LCN12: variants seen among roughly 807,000 people sequenced by gnomAD.
LCN12 encodes epididymal-specific lipocalin-12.
A neutral mutation model predicts 23.7 loss-of-function variants in LCN12; 15 were observed. That is an observed-to-expected ratio of 0.63 (90% CI 0.42 to 0.97). LCN12 has a LOEUF of 0.97. LCN12 is among the 50% of genes least tolerant of loss of function. LCN12 has a pLI of 0.00. For synonymous variants in LCN12, 116 were observed against 111.5 expected, an observed-to-expected ratio of 1.04 and a Z score of -0.25; for missense variants, 219 against 249.6, an observed-to-expected ratio of 0.88 and a Z score of 0.83.
intron 5 of LCN12, chr9:136,955,040 G>A: frequency 7.2e-7 from 1 of 1,395,308 alleles, no homozygotes; most frequent in Non-Finnish European, 9.3e-7. Flanking sequence ...AGGCACACGT[G>A]CTGGTCTGCA....
chr9:136,950,250 C>T (rs973029693), upstream of LCN12, among the ~76,000 whole-genome samples: 2 of 152,196 alleles, frequency 1.3e-5, no homozygotes, highest in African/African-American at 2.4e-5. Context: ...CGGGAGGCTC[C>T]TGCAGGGGAC....
At chr9:136,952,126 TG>T (rs957315740), upstream of LCN12, among the ~76,000 whole-genome samples, 1 of 104,680 alleles carries the variant, frequency 9.6e-6, no homozygotes, top group African/African-American at 3.3e-5. Flanking sequence ...AGACCGCAGG[TG>T]GGTGGGTGGG....
In LCN12 at chr9:136,955,136, G is replaced by A. The variant is rs181554418; in HGVS notation, c.551-235G>A. ...GGGGCCCATGGGGACAGGGACAGGT[G>A]AGGGGCTTCCTGAGGACCTGGGGCT... On this transcript the variant is annotated intron_variant, in intron 5 of 5. Coordinates refer to ENST00000371633, the MANE Select transcript of LCN12 (RefSeq NM_178536.4). 9.8e-5 allele frequency: 139 copies of A among 1,418,580 alleles called. No homozygotes were observed. The East Asian group carries it at 2.6e-3, about 27-fold the overall frequency. 87.9% of individuals were successfully genotyped at this position (1,418,580 alleles called of 1,614,324 possible).
At chr9:136,955,991 G>A (rs1163514227), downstream of LCN12, among the ~76,000 whole-genome samples, 2 of 152,142 alleles carry the variant, frequency 1.3e-5, no homozygotes, top group Non-Finnish European at 2.9e-5. Context: ...AAGCAGCCTC[G>A]GGCTGGAGCC....
Position 136,952,396 on chromosome 9 carries a change from C to T in LCN12, c.69C>T (p.Thr23=). The T allele has an allele frequency of 1.2e-6, 2 of 1,613,258 alleles. No individual in the cohort carries two copies. Among genetic ancestry groups the T allele is most frequent in the East Asian group, 2.2e-5 (1 of 44,874 alleles). The change falls in exon 1 of 6, where the codon ACC becomes ACT. Residue 23 remains threonine, a synonymous_variant. Coordinates refer to ENST00000371633, the MANE Select transcript of LCN12 (RefSeq NM_178536.4). The part of the protein sequence containing the change: ...LLKVLQAQTP[T]PLPLPPPMQS... ...AAGTCCTGCAGGCCCAGACCCCAAC[C>T]CCCCTGCCACTCCCGCCCCCGATGC... is the stretch of plus-strand genomic sequence containing the variant.
chr9:136,953,603 C>G lies in LCN12; in HGVS notation c.252-97C>G, dbSNP rs1212095119. The G allele has an allele frequency of 4.7e-6, 4 of 844,848 alleles. No homozygotes were observed. In the African/African-American group the frequency reaches 5.2e-5, roughly 11 times the overall value. The allele number at this position is 844,848 out of a possible 1,614,324, so 52.3% of individuals were successfully genotyped here. A position where few individuals can be genotyped will look rare whatever the true frequency, so the allele number is the denominator to read the frequency against. On this transcript the variant is annotated intron_variant, in intron 2 of 5. Transcript: ENST00000371633. ...ACGCTTGGCCACTCCCGCCGTGGGTCCCTCTGAATAAGTGGCTGAAATCTC... is the reference window on the plus strand; with the variant it reads ...ACGCTTGGCCACTCCCGCCGTGGGTGCCTCTGAATAAGTGGCTGAAATCTC...
chr9:136,954,131 A>C (rs1444803592), intron 4 of LCN12, 23 bp from the exon 5 acceptor site: 1 of 1,536,438 alleles, frequency 6.5e-7, no homozygotes, highest in East Asian at 2.4e-5. Context: ...GCACAGACCC[A>C]TGCTGGGCTC....
chr9:136,954,681 C>T, intron 5 of LCN12: 2 of 1,279,270 alleles, frequency 1.6e-6, no homozygotes, highest in Non-Finnish European at 1.0e-6. Context: ...CCACCTCCTC[C>T]CCTCACCCAT....
intron 5 of LCN12, chr9:136,954,616 C>T (rs1021414116): frequency 1.2e-6 from 1 of 863,232 alleles, no homozygotes; most frequent in Non-Finnish European, 1.7e-6. Flanking sequence ...TACCTCCTCC[C>T]ACCCCAGGTC....
At chr9:136,952,035 G>C (rs1253353875), upstream of LCN12, among the ~76,000 whole-genome samples, 3 of 152,146 alleles carry the variant, frequency 2.0e-5, no homozygotes, top group African/African-American at 4.8e-5. Flanking sequence ...GGGGCTGAAG[G>C]GGGCAGGGCC....
chr9:136,951,987 G>A (rs907467414), upstream of LCN12, among the ~76,000 whole-genome samples: 3 of 152,222 alleles, frequency 2.0e-5, no homozygotes, highest in Non-Finnish European at 4.4e-5. Flanking sequence ...GGCAGGCTGC[G>A]TGGGGCCTCT....
chr9:136,955,829 G>A (rs765049008), downstream of LCN12, among the ~76,000 whole-genome samples: 31 of 152,310 alleles, frequency 2.0e-4, no homozygotes, highest in Non-Finnish European at 3.4e-4. Flanking sequence ...AGATGCAGCC[G>A]GGCTGGAGCT....
chr9:136,953,088 C>G, intron 2 of LCN12, 60 bp downstream of exon 2: 2 of 1,600,222 alleles, frequency 1.2e-6, no homozygotes, highest in Non-Finnish European at 1.7e-6. Flanking sequence ...TGGGTCCCAG[C>G]CGCCAGTGGC....
intron 2 of LCN12, chr9:136,953,322 A>C (rs11145942): frequency 8.8e-6 from 4 of 452,002 alleles, no homozygotes; most frequent in South Asian, 2.4e-5. Flanking sequence ...CCAGGACTTC[A>C]GGGGCCGGGC....
At chr9:136,951,578 G>A (rs909646493), upstream of LCN12, among the ~76,000 whole-genome samples, 2 of 152,226 alleles carry the variant, frequency 1.3e-5, no homozygotes, top group Non-Finnish European at 1.5e-5. Flanking sequence ...TTTTAGGCAG[G>A]ACCAGCATGG....
At chr9:136,955,805 G>A (rs1023540465), downstream of LCN12, among the ~76,000 whole-genome samples, 2 of 152,206 alleles carry the variant, frequency 1.3e-5, no homozygotes, top group South Asian at 2.1e-4. Context: ...GTCAGCACTC[G>A]GGGCTGCCAT....
intron 1 of LCN12, 111 bp from the exon 2 acceptor site, chr9:136,952,781 C>T: frequency 7.7e-7 from 1 of 1,301,838 alleles, no homozygotes; most frequent in Non-Finnish European, 1.1e-6. Flanking sequence ...CAGCCAGGAG[C>T]ACTGCTCTGT....
chr9:136,955,995 T>G (rs1417989096), downstream of LCN12, among the ~76,000 whole-genome samples: 1 of 152,158 alleles, frequency 6.6e-6, no homozygotes, highest in Non-Finnish European at 1.5e-5. Flanking sequence ...AGCCTCGGGC[T>G]GGAGCCTGCT....
rs369837921 is a variant in LCN12 at position 136,955,405 on chromosome 9, G to T, written c.*6G>T. The T allele has an allele frequency of 7.4e-6, 12 of 1,612,920 alleles. No individual in the cohort carries two copies. In the African/African-American group the frequency reaches 1.6e-4, roughly 22 times the overall value. ...CCCAGGCCAGCGTCTGTTGAAGGATGAAGCAGCTCCTGTCCGGCCCAGCCC... is the reference window on the plus strand; with the variant it reads ...CCCAGGCCAGCGTCTGTTGAAGGATTAAGCAGCTCCTGTCCGGCCCAGCCC... On this transcript the variant is annotated 3_prime_UTR_variant, in exon 6 of 6. Coordinates refer to ENST00000371633, the MANE Select transcript of LCN12 (RefSeq NM_178536.4).
Sources: gnomAD v4.1 joint callset for allele counts (sites outside exome capture counted in the v4.1 genomes callset) on GRCh38, gnomAD v4.1.1 for gene constraint, MANE v1.5 for transcripts, NCBI Gene and HGNC (gene_info 2026-07-23, HGNC 2026-07-21) for gene names.